KATNBL1: variants seen among roughly 807,000 people sequenced by gnomAD.
The protein encoded by KATNBL1 is katanin regulatory subunit B1 like 1, also known as KATNB1-like protein 1.
In KATNBL1, 28 loss-of-function variants were observed where a neutral mutation model predicts 44.7. That is an observed-to-expected ratio of 0.63 (90% confidence interval 0.46 to 0.86). KATNBL1 has a LOEUF of 0.86. Ranked by LOEUF, KATNBL1 falls within the 40% of genes least tolerant of loss-of-function variation. The pLI is 0.00. For missense variants in KATNBL1, 272 were observed against 350.7 expected (o/e 0.78, Z 1.79); for synonymous variants, 78 against 114.9 (o/e 0.68, Z 2.06).
At chr15:34,187,074 C>A (rs1889737969) in intron 1 of KATNBL1, among the ~76,000 whole-genome samples, 1 of 152,208 alleles carries the variant, frequency 6.6e-6, no homozygotes, top group Non-Finnish European at 1.5e-5. Context: ...CAGAAGAGGA[C>A]AATCAGCTGC....
intron 2 of KATNBL1, among the ~76,000 whole-genome samples, chr15:34,156,474 C>T (rs554081079): frequency 3.3e-5 from 5 of 152,300 alleles, no homozygotes; most frequent in Admixed American, 2.6e-4. Context: ...GTTTAAAGTG[C>T]GGATGAAATA....
intron 2 of KATNBL1, among the ~76,000 whole-genome samples, chr15:34,158,291 T>C (rs1292764605): frequency 1.3e-5 from 2 of 152,212 alleles, no homozygotes; most frequent in Non-Finnish European, 2.9e-5. Context: ...ATAACATTTT[T>C]CTTTGGTCTG....
intron 1 of KATNBL1, among the ~76,000 whole-genome samples, chr15:34,187,428 T>A (rs908711158): frequency 5.9e-5 from 9 of 152,156 alleles, no homozygotes; most frequent in African/African-American, 2.2e-4. Flanking sequence ...GGACAAGAAC[T>A]TGGGCAAAGG....
At chr15:34,167,101 C>T (rs1391521242) in intron 1 of KATNBL1, among the ~76,000 whole-genome samples, 7 of 152,150 alleles carry the variant, frequency 4.6e-5, no homozygotes. Flanking sequence ...ATGAGTTTGA[C>T]AGGTTGACAG....
At chr15:34,179,267 AG>A (rs1889445747) in intron 1 of KATNBL1, among the ~76,000 whole-genome samples, 1 of 152,216 alleles carries the variant, frequency 6.6e-6, no homozygotes, top group Non-Finnish European at 1.5e-5. Flanking sequence ...GGTGGAAGGT[AG>A]AAGGGTAAGT....
chr15:34,171,078 G>T (rs1889143402), intron 1 of KATNBL1, among the ~76,000 whole-genome samples: 1 of 152,086 alleles, frequency 6.6e-6, no homozygotes, highest in Admixed American at 6.6e-5. Context: ...AGCCAAAATA[G>T]ACAAATGGGA....
intron 2 of KATNBL1, among the ~76,000 whole-genome samples, chr15:34,161,586 G>A (rs977053441): frequency 6.6e-6 from 1 of 152,240 alleles, no homozygotes; most frequent in Middle Eastern, 3.2e-3. Flanking sequence ...GGGGAGGAAG[G>A]AGTTCTTATC....
At chr15:34,167,586 A>G (rs186703744) in intron 1 of KATNBL1, among the ~76,000 whole-genome samples, 155 of 152,292 alleles carry the variant, frequency 1.0e-3, no homozygotes, top group African/African-American at 3.6e-3. Context: ...AATTCAGGAA[A>G]TACAGAGAAC....
chr15:34,142,877 A>G (rs958216905), intron 9 of KATNBL1: 1 of 338,920 alleles, frequency 3.0e-6, no homozygotes, highest in East Asian at 1.1e-4. Context: ...ACGCCCGGCT[A>G]ATTTTTTGTG....
chr15:34,202,420 T>C (rs11856753), intron 1 of KATNBL1, among the ~76,000 whole-genome samples: 18,133 of 151,924 alleles, frequency 0.12, 1,184 homozygotes, highest in Non-Finnish European at 0.15. Context: ...ACAAAAATGA[T>C]ACTAGAGACA....
chr15:34,157,749 G>C (rs1001125533), intron 2 of KATNBL1, among the ~76,000 whole-genome samples: 7 of 152,158 alleles, frequency 4.6e-5, no homozygotes, highest in Non-Finnish European at 8.8e-5. Context: ...TGGCTTTTTA[G>C]AGTTTGGTTC....
In KATNBL1 at chr15:34,146,995, A is replaced by G. The variant is rs1014118485; in HGVS notation, c.699-145T>C. On this transcript the variant is annotated intron_variant, in intron 7 of 9. Transcript: ENST00000256544. Reference sequence around the variant, plus strand: ...TTGTTACCTTCATGATCTATTACACAAAAGTATATTTCATGTAATTTGTTT... The same window carrying G: ...TTGTTACCTTCATGATCTATTACACGAAAGTATATTTCATGTAATTTGTTT... The G allele has an allele frequency of 6.2e-6, 4 of 648,808 alleles. 1 individual carries two copies. The South Asian group carries it at 7.8e-5, about 13-fold the overall frequency. The allele number at this position is 648,808 out of a possible 1,614,324, so 40.2% of individuals were successfully genotyped here. A position where few individuals can be genotyped will look rare whatever the true frequency, so the allele number is the denominator to read the frequency against.
chr15:34,161,043 C>A lies in KATNBL1; in HGVS notation c.117+2517G>T, dbSNP rs528308166. 1.3e-4 allele frequency among the ~76,000 whole-genome samples: 20 copies of A among 152,288 alleles called. No homozygotes were observed. The South Asian group carries it at 4.1e-3, about 32-fold the overall frequency. On this transcript the variant is annotated intron_variant, in intron 2 of 9. Transcript: ENST00000256544. ...TGGCAGGTTGGTATAAACTCCAACC[C>A]AGACTCCTTTACAGGAGGGCTGCCC...
chr15:34,145,498 G>GA lies in KATNBL1; in HGVS notation c.789-8dup. Reference sequence around the variant, plus strand: ...TTTTAAAATTTGAATATTTCTAAAAGAAAAAAAAGGAAGAAAAATGAGAAA... The same window carrying GA: ...TTTTAAAATTTGAATATTTCTAAAAGAAAAAAAAAGGAAGAAAAATGAGAAA... On this transcript the variant is annotated splice_region_variant and splice_polypyrimidine_tract_variant and intron_variant, in intron 8 of 9. Coordinates refer to ENST00000256544, the MANE Select transcript of KATNBL1 (RefSeq NM_024713.3). The GA allele has an allele frequency of 3.9e-5, 55 of 1,413,362 alleles. No homozygotes were observed. The highest frequency in any genetic ancestry group is 2.1e-4 in the South Asian group (12 of 57,804). 87.6% of individuals were successfully genotyped at this position (1,413,362 alleles called of 1,614,324 possible).
chr15:34,157,687 G>A (rs2140919033), intron 2 of KATNBL1, among the ~76,000 whole-genome samples: 1 of 152,278 alleles, frequency 6.6e-6, no homozygotes, highest in South Asian at 2.1e-4. Flanking sequence ...ACAGGGCAAT[G>A]GGAAGGCATC....
chr15:34,185,856 G>A (rs1438244673), intron 1 of KATNBL1, among the ~76,000 whole-genome samples: 2 of 152,184 alleles, frequency 1.3e-5, no homozygotes, highest in Non-Finnish European at 2.9e-5. Context: ...GGCCACTTGG[G>A]CAATCATGAC....
At chr15:34,193,343 G>A (rs974695041) in intron 1 of KATNBL1, among the ~76,000 whole-genome samples, 1 of 151,816 alleles carries the variant, frequency 6.6e-6, no homozygotes, top group Admixed American at 6.6e-5. Context: ...AAACCAGCCT[G>A]GCCAATATGG....
At chr15:34,181,609 TATATATACACATATATATGTCC>T (rs1247027824) in intron 1 of KATNBL1, among the ~76,000 whole-genome samples, 1 of 135,844 alleles carries the variant, frequency 7.4e-6, no homozygotes, top group East Asian at 2.1e-4. Flanking sequence ...TATATGTCCA[TATATATACACATATATATGTCC>T]ATATATATAC....
At chr15:34,173,211 A>G (rs952804400) in intron 1 of KATNBL1, among the ~76,000 whole-genome samples, 1 of 152,144 alleles carries the variant, frequency 6.6e-6, no homozygotes, top group Non-Finnish European at 1.5e-5. Flanking sequence ...AAACAAAGAG[A>G]TAATTTAAGA....
Sources: gnomAD v4.1 joint callset for allele counts (sites outside exome capture counted in the v4.1 genomes callset) on GRCh38, gnomAD v4.1.1 for gene constraint, MANE v1.5 for transcripts, NCBI Gene and HGNC (gene_info 2026-07-23, HGNC 2026-07-21) for gene names.